Variants in USH2A observed in about 807,000 individuals in gnomAD.
USH2A encodes the protein Usher syndrome 2A (autosomal recessive, mild).
In USH2A, 443 loss-of-function variants were observed where a neutral mutation model predicts 538.9. That is an observed-to-expected ratio of 0.82 (90% CI 0.76 to 0.89). The LOEUF is 0.89. Ranked by LOEUF, USH2A falls within the 40% of genes least tolerant of loss-of-function variation. The pLI is 0.00. For synonymous variants in USH2A, 2,413 were observed against 2,273.5 expected, an observed-to-expected ratio of 1.06 and a Z score of -1.75; for missense variants, 6,633 against 6,324.8, an observed-to-expected ratio of 1.05 and a Z score of -1.65.
intron 21 of USH2A, among the ~76,000 whole-genome samples, chr1:216,155,023 C>T (rs1251796609): frequency 5.3e-5 from 8 of 151,950 alleles, no homozygotes; most frequent in Admixed American, 1.3e-4. Flanking sequence ...TTTCTAGGTA[C>T]TTCTCCAGAG....
chr1:215,963,728 C>G (rs1236046739), intron 37 of USH2A, among the ~76,000 whole-genome samples: 1 of 152,106 alleles, frequency 6.6e-6, no homozygotes, highest in African/African-American at 2.4e-5. Context: ...TTGCCTTGGT[C>G]TGGAGTCCCT....
chr1:215,759,563 A>G, intron 57 of USH2A, 97 bp downstream of exon 57: 1 of 1,471,702 alleles, frequency 6.8e-7, no homozygotes, highest in Non-Finnish European at 9.4e-7. Flanking sequence ...AGTTAATTAA[A>G]CAATTTAACA....
intron 21 of USH2A, among the ~76,000 whole-genome samples, chr1:216,116,117 T>TTCTATAAAATTAAAAAAATAA (rs2033002353): frequency 6.6e-6 from 1 of 151,988 alleles, no homozygotes; most frequent in African/African-American, 2.4e-5. Context: ...ATAATAACTT[T>TTCTATAAAATTAAAAAAATAA]TTACGTATAT....
At chr1:215,758,433 G>A (rs748882839) in intron 58 of USH2A, among the ~76,000 whole-genome samples, 162 bp downstream of exon 58, 5 of 151,774 alleles carry the variant, frequency 3.3e-5, no homozygotes, top group South Asian at 4.2e-4. Context: ...GTACTCATGC[G>A]TCTATACACT....
chr1:216,274,485 G>A (rs2036632686), intron 11 of USH2A, among the ~76,000 whole-genome samples: 1 of 151,998 alleles, frequency 6.6e-6, no homozygotes, highest in South Asian at 2.1e-4. Flanking sequence ...CTTATTTATA[G>A]TACAGATACA....
At chr1:216,255,301 C>T (rs1375621793) in intron 11 of USH2A, among the ~76,000 whole-genome samples, 5 of 152,236 alleles carry the variant, frequency 3.3e-5, no homozygotes, top group Middle Eastern at 3.4e-3. Context: ...CCTTCTTTTG[C>T]TAGTTTTGTA....
chr1:215,797,055 A>G (rs1343094240), intron 50 of USH2A, among the ~76,000 whole-genome samples: 1 of 152,172 alleles, frequency 6.6e-6, no homozygotes, highest in Non-Finnish European at 1.5e-5. Flanking sequence ...ACTTATGAAT[A>G]AGTGAAACAG....
chr1:215,627,109 A>AT (rs924611067), intron 71 of USH2A, among the ~76,000 whole-genome samples: 9 of 152,128 alleles, frequency 5.9e-5, no homozygotes, highest in Admixed American at 2.6e-4. Context: ...AGGATGGTAC[A>AT]TTTTTTTATA....
In USH2A at chr1:215,753,730, G is replaced by A. The variant is rs1660697199; in HGVS notation, c.11389+4865C>T. ...AATGTTAAATGACGAGTTAATGGGT[G>A]CAGCACACCAACATGGCACATGTAT... On this transcript the variant is annotated intron_variant, in intron 58 of 71. Coordinates refer to ENST00000307340, the MANE Select transcript of USH2A (RefSeq NM_206933.4). Among the ~76,000 whole-genome samples, 2 of 152,066 alleles carry A rather than the reference G, an allele frequency of 1.3e-5. 1 individual carries two copies. The highest frequency in any genetic ancestry group is 4.1e-4 in the South Asian group (2 of 4,824).
At chr1:216,286,566 A>G (rs1291431607) in intron 11 of USH2A, among the ~76,000 whole-genome samples, 1 of 152,022 alleles carries the variant, frequency 6.6e-6, no homozygotes, top group Non-Finnish European at 1.5e-5. Context: ...TACAAAAAAA[A>G]GAAAAAAATT....
At chr1:216,156,624 A>C (rs558074261) in intron 21 of USH2A, among the ~76,000 whole-genome samples, 9 of 152,148 alleles carry the variant, frequency 5.9e-5, no homozygotes, top group African/African-American at 1.9e-4. Context: ...TACCCCATCT[A>C]CTGATTTCTG....
intron 58 of USH2A, among the ~76,000 whole-genome samples, chr1:215,758,168 C>T (rs997985626): frequency 6.6e-6 from 1 of 151,966 alleles, no homozygotes; most frequent in Non-Finnish European, 1.5e-5. Context: ...TGCTTGTAAT[C>T]CCAGCTACTC....
Position 216,078,165 on chromosome 1 carries a change from C to T in USH2A, c.5496G>A (p.Val1832=), listed in dbSNP as rs146585940. Residue 1832 remains valine, a synonymous_variant, in exon 27 of 72, where the codon GTG becomes GTA. Coordinates refer to ENST00000307340, the MANE Select transcript of USH2A (RefSeq NM_206933.4). The stretch of plus-strand genomic sequence containing the variant: ...CTCCCACATAAACTGGTGAATTCAC[C>T]ACCAGTGGCTGGTCTCCGGACTCCG... ...HASESGDQPL[V]VNSPVYVGGI... The T allele has an allele frequency of 7.7e-5, 125 of 1,613,698 alleles. No individual in the cohort carries two copies. Among genetic ancestry groups the T allele is most frequent in the Non-Finnish European group, 1.0e-4 (120 of 1,179,760 alleles).
intron 9 of USH2A, among the ~76,000 whole-genome samples, chr1:216,299,478 T>C (rs1347724011): frequency 6.6e-6 from 1 of 152,122 alleles, no homozygotes; most frequent in Non-Finnish European, 1.5e-5. Context: ...ATATAATGCC[T>C]GAAAGTATAT....
chr1:215,812,232 C>A (rs113469005), intron 49 of USH2A, among the ~76,000 whole-genome samples: 1 of 151,846 alleles, frequency 6.6e-6, no homozygotes, highest in Admixed American at 6.6e-5. Flanking sequence ...GTGATCCACC[C>A]GCCTCAGCCT....
At chr1:216,003,228 G>A (rs1287406250) in intron 32 of USH2A, among the ~76,000 whole-genome samples, 1 of 152,028 alleles carries the variant, frequency 6.6e-6, no homozygotes, top group Non-Finnish European at 1.5e-5. Flanking sequence ...AATAGAAATA[G>A]TTTAGTTGAG....
chr1:216,184,233 G>C (rs1216969661), intron 20 of USH2A, among the ~76,000 whole-genome samples: 1 of 151,992 alleles, frequency 6.6e-6, no homozygotes, highest in Non-Finnish European at 1.5e-5. Flanking sequence ...ATCATCAGAG[G>C]ATTCCAATGC....
At chr1:215,759,488 C>T (rs983374412) in intron 57 of USH2A, among the ~76,000 whole-genome samples, 172 bp downstream of exon 57, 2 of 151,894 alleles carry the variant, frequency 1.3e-5, no homozygotes, top group African/African-American at 4.8e-5. Flanking sequence ...TAAGAAATTT[C>T]GTGAAGTCTA....
chr1:215,984,856 C>T (rs768836065), intron 35 of USH2A, among the ~76,000 whole-genome samples: 3 of 152,160 alleles, frequency 2.0e-5, no homozygotes, highest in Non-Finnish European at 4.4e-5. Context: ...GGTCCAGATG[C>T]TGATTGAATG....
Sources: gnomAD v4.1 joint callset for allele counts (sites outside exome capture counted in the v4.1 genomes callset) on GRCh38, gnomAD v4.1.1 for gene constraint, MANE v1.5 for transcripts, NCBI Gene and HGNC (gene_info 2026-07-23, HGNC 2026-07-21) for gene names.